Variants in SMYD3 observed in about 807,000 individuals in gnomAD.
SMYD3 encodes the protein SET and MYND domain containing 3.
Under a neutral mutation model 57.7 loss-of-function variants are expected in SMYD3, and 36 were observed. That is an observed-to-expected ratio of 0.62 (90% CI 0.48 to 0.82). SMYD3 has a LOEUF of 0.82. Ranked by LOEUF, SMYD3 falls within the 40% of genes least tolerant of loss-of-function variation. The probability of loss-of-function intolerance (pLI) is 0.00; values close to 1 mark genes in which losing one functional copy is unlikely to be tolerated. For missense variants in SMYD3, 515 were observed against 538.8 expected, an observed-to-expected ratio of 0.96 and a Z score of 0.44; for synonymous variants, 211 against 195.0, an observed-to-expected ratio of 1.08 and a Z score of -0.68.
chr1:246,020,726 T>C (rs1022943969), intron 5 of SMYD3, among the ~76,000 whole-genome samples: 3 of 152,194 alleles, frequency 2.0e-5, no homozygotes, highest in Non-Finnish European at 4.4e-5. Context: ...TCAGTCGCAT[T>C]TTATAGATAA....
intron 7 of SMYD3, among the ~76,000 whole-genome samples, chr1:245,923,148 A>C (rs1558498451): frequency 6.6e-6 from 1 of 152,206 alleles, no homozygotes; most frequent in Non-Finnish European, 1.5e-5. Flanking sequence ...GGTAAAATTG[A>C]ATGTACACTG....
At chr1:245,996,442 T>C (rs1335145518) in intron 5 of SMYD3, among the ~76,000 whole-genome samples, 2 of 152,226 alleles carry the variant, frequency 1.3e-5, no homozygotes, top group Non-Finnish European at 2.9e-5. Flanking sequence ...ATAGAATTCA[T>C]GATACAGGTG....
intron 1 of SMYD3, among the ~76,000 whole-genome samples, chr1:246,376,037 C>A (rs1293393200): frequency 6.6e-6 from 1 of 151,994 alleles, no homozygotes; most frequent in African/African-American, 2.4e-5. Context: ...GCCTTAAAAT[C>A]CAATTCTTAA....
chr1:246,503,691 AG>A (rs2068491797), intron 1 of SMYD3, among the ~76,000 whole-genome samples: 1 of 152,210 alleles, frequency 6.6e-6, no homozygotes, highest in Non-Finnish European at 1.5e-5. Flanking sequence ...GGCCGGGGAC[AG>A]CGGCTCACGC....
intron 5 of SMYD3, chr1:246,326,965 T>G (rs751764576): frequency 1.9e-6 from 1 of 525,116 alleles, no homozygotes; most frequent in Non-Finnish European, 3.3e-6. Flanking sequence ...CTTTGAGAAT[T>G]CACAATGAAC....
At chr1:246,033,124 T>C (rs183151015) in intron 5 of SMYD3, among the ~76,000 whole-genome samples, 1 of 152,104 alleles carries the variant, frequency 6.6e-6, no homozygotes, top group Non-Finnish European at 1.5e-5. Flanking sequence ...ACTTTATTTA[T>C]AGTAATAAAA....
intron 1 of SMYD3, among the ~76,000 whole-genome samples, chr1:246,418,751 C>A (rs115714910): frequency 0.032 from 4,888 of 152,212 alleles, 176 homozygotes; most frequent in African/African-American, 0.095. Context: ...CCAAACTCCA[C>A]GTCGTTCTGC....
chr1:246,114,130 GAC>G (rs1258096801), intron 5 of SMYD3, among the ~76,000 whole-genome samples: 1 of 144,304 alleles, frequency 6.9e-6, no homozygotes, highest in African/African-American at 2.9e-5. Flanking sequence ...GATGGGCTCT[GAC>G]AGGGGACAGT....
At chr1:245,930,121 A>G (rs2056624880) in intron 5 of SMYD3, 184 bp from the exon 6 acceptor site, 3 of 642,342 alleles carry the variant, frequency 4.7e-6, no homozygotes, top group Non-Finnish European at 8.6e-6. Context: ...CTCCCCCTAA[A>G]AACATCAGGT....
chr1:246,457,847 C>A (rs1265428795), intron 1 of SMYD3, among the ~76,000 whole-genome samples: 1 of 152,194 alleles, frequency 6.6e-6, no homozygotes, highest in Admixed American at 6.5e-5. Context: ...TATAACTACA[C>A]CAGAATAAAT....
chr1:245,795,579 C>A (rs1159912529), intron 10 of SMYD3, among the ~76,000 whole-genome samples: 1 of 152,132 alleles, frequency 6.6e-6, no homozygotes, highest in African/African-American at 2.4e-5. Flanking sequence ...TTTAATTTCC[C>A]ATTGTTATAT....
intron 5 of SMYD3, among the ~76,000 whole-genome samples, chr1:246,095,867 C>T (rs139653656): frequency 6.6e-6 from 1 of 152,114 alleles, no homozygotes; most frequent in Non-Finnish European, 1.5e-5. Context: ...CAGGCAAGAC[C>T]CTGTGTCAAA....
intron 1 of SMYD3, among the ~76,000 whole-genome samples, chr1:246,472,706 T>C (rs2067977076): frequency 6.6e-6 from 1 of 151,908 alleles, no homozygotes; most frequent in African/African-American, 2.4e-5. Context: ...ATCACACTAC[T>C]GCACTCCAGC....
chr1:246,123,651 G>A (rs2061460391), intron 5 of SMYD3, among the ~76,000 whole-genome samples: 1 of 150,462 alleles, frequency 6.6e-6, no homozygotes, highest in African/African-American at 2.5e-5. Flanking sequence ...CCTAATGGTG[G>A]CAGTCCTTGG....
chr1:246,470,455 A>AGG (rs2067943726), intron 1 of SMYD3, among the ~76,000 whole-genome samples: 2 of 151,428 alleles, frequency 1.3e-5, no homozygotes, highest in African/African-American at 4.9e-5. Flanking sequence ...AGATCACACC[A>AGG]CTGCATTCCA....
intron 1 of SMYD3, among the ~76,000 whole-genome samples, chr1:246,416,232 C>T (rs1274433230): frequency 6.6e-6 from 1 of 152,150 alleles, no homozygotes; most frequent in Non-Finnish European, 1.5e-5. Context: ...TTCTGCCCAA[C>T]CCACTCCCAA....
chr1:245,999,275 G>A (rs1263744064), intron 5 of SMYD3, among the ~76,000 whole-genome samples: 1 of 152,014 alleles, frequency 6.6e-6, no homozygotes, highest in Non-Finnish European at 1.5e-5. Flanking sequence ...ATTGCAAAAA[G>A]CACACAGAAT....
intron 5 of SMYD3, among the ~76,000 whole-genome samples, chr1:246,248,680 C>T (rs1202017289): frequency 4.6e-5 from 6 of 129,230 alleles, no homozygotes; most frequent in Admixed American, 1.9e-4. Flanking sequence ...CTCGCTCTGT[C>T]GCCCAGGCTG....
At chr1:246,189,983 C>A (rs190923980) in intron 5 of SMYD3, among the ~76,000 whole-genome samples, 1 of 152,130 alleles carries the variant, frequency 6.6e-6, no homozygotes. Context: ...GTTTTAAAGG[C>A]AGGATTTGTT....
Sources: gnomAD v4.1 joint callset for allele counts (sites outside exome capture counted in the v4.1 genomes callset) on GRCh38, gnomAD v4.1.1 for gene constraint, MANE v1.5 for transcripts, NCBI Gene and HGNC (gene_info 2026-07-23, HGNC 2026-07-21) for gene names.